The following WDR48 variants were observed in gnomAD, a reference collection of about 807,000 sequenced individuals.
The protein encoded by WDR48 is WD repeat-containing protein 48.
WDR48 carries 22 observed loss-of-function variants against 94.0 expected under a neutral mutation model. The ratio of observed to expected loss-of-function variants is 0.23; its 90% CI spans 0.17 to 0.33. WDR48 has a LOEUF of 0.33. WDR48 is among the 10% of genes least tolerant of loss of function. The pLI, the probability that WDR48 is intolerant of heterozygous loss-of-function variation, is 1.00. For synonymous variants in WDR48, 278 were observed against 280.5 expected, an observed-to-expected ratio of 0.99 and a Z score of 0.09; for missense variants, 541 against 813.8, an observed-to-expected ratio of 0.66 and a Z score of 4.08.
intron 1 of WDR48, among the ~76,000 whole-genome samples, chr3:39,061,417 A>G (rs2033257560): frequency 6.6e-6 from 1 of 152,164 alleles, no homozygotes; most frequent in Non-Finnish European, 1.5e-5. Flanking sequence ...TGTCCCTGCA[A>G]AGGACATGAA....
At chr3:39,054,904 A>G (rs1299397914) in intron 1 of WDR48, among the ~76,000 whole-genome samples, 1 of 152,240 alleles carries the variant, frequency 6.6e-6, no homozygotes, top group Non-Finnish European at 1.5e-5. Context: ...CAGGAAGGGT[A>G]ATAGCAGTGA....
intron 16 of WDR48, chr3:39,090,467 C>T (rs146043889): frequency 6.6e-6 from 1 of 152,118 alleles, no homozygotes; most frequent in Non-Finnish European, 1.5e-5. Flanking sequence ...CTCTTAGTTT[C>T]ATGTCTTGTT....
intron 3 of WDR48, 113 bp downstream of exon 3, chr3:39,066,002 T>A: frequency 1.5e-6 from 1 of 683,478 alleles, no homozygotes; most frequent in African/African-American, 1.9e-5. Context: ...AGATTGCAGT[T>A]CAACACAATT....
intron 1 of WDR48, among the ~76,000 whole-genome samples, chr3:39,053,802 A>G (rs554137202): frequency 1.3e-5 from 2 of 152,338 alleles, no homozygotes; most frequent in Non-Finnish European, 2.9e-5. Flanking sequence ...ATGTAAATTA[A>G]CTGCAGCAGG....
At chr3:39,087,557 C>T (rs761820677) in intron 14 of WDR48, among the ~76,000 whole-genome samples, 1 of 151,994 alleles carries the variant, frequency 6.6e-6, no homozygotes, top group African/African-American at 2.4e-5. Flanking sequence ...AGGTTGAGGC[C>T]GCAATGATCT....
rs3033301 is a variant in WDR48 at position 39,092,876 on chromosome 3, TACACACACACAC to T, written c.1746-978_1746-967del. On this transcript the variant is annotated intron_variant, in intron 17 of 18. Transcript: ENST00000302313. ...ACCTGCCCTCCCACCCATCTCTGTCTACACACACACACACACACACACACACACACAATTATT... is the reference window on the plus strand; with the variant it reads ...ACCTGCCCTCCCACCCATCTCTGTCTACACACACACACACACACAATTATT... 1.1e-4 allele frequency among the ~76,000 whole-genome samples: 16 copies of T among 146,070 alleles called. No individual in the cohort carries two copies. In the East Asian group the frequency reaches 1.4e-3, roughly 13 times the overall value.
chr3:39,087,641 G>T (rs1408014608), intron 14 of WDR48, among the ~76,000 whole-genome samples: 2 of 152,138 alleles, frequency 1.3e-5, no homozygotes, highest in Non-Finnish European at 2.9e-5. Context: ...ACAGTGGAAA[G>T]GAAATCTGCA....
chr3:39,052,783 C>T (rs750195284), intron 1 of WDR48, among the ~76,000 whole-genome samples: 1 of 152,094 alleles, frequency 6.6e-6, no homozygotes, highest in Non-Finnish European at 1.5e-5. Flanking sequence ...GTGTCTTGTG[C>T]CTTATGCCTT....
rs142570639 is a variant in WDR48, at chr3:39,091,940, G to A, written c.1745+239G>A. ...TAATCCCAACACTTTGGGAGGGTGAGGTGGGAGGATTAATTGAGGCCAGGA... is the reference window on the plus strand; with the variant it reads ...TAATCCCAACACTTTGGGAGGGTGAAGTGGGAGGATTAATTGAGGCCAGGA... On this transcript the variant is annotated intron_variant, in intron 17 of 18. Coordinates refer to ENST00000302313, the MANE Select transcript of WDR48 (RefSeq NM_020839.4). 3.9e-5 allele frequency among the ~76,000 whole-genome samples: 6 copies of A among 152,336 alleles called. No homozygotes were observed. The East Asian group carries it at 1.2e-3, about 29-fold the overall frequency.
chr3:39,075,620 A>G (rs1049032654), intron 8 of WDR48, among the ~76,000 whole-genome samples: 1 of 152,132 alleles, frequency 6.6e-6, no homozygotes, highest in African/African-American at 2.4e-5. Context: ...GTACTGAAAA[A>G]TGGCCAGTCG....
chr3:39,091,484 G>A, intron 16 of WDR48, 141 bp from the exon 17 acceptor site: 1 of 613,368 alleles, frequency 1.6e-6, no homozygotes. Context: ...TAGGTAATTT[G>A]ATAGCTTACT....
intron 7 of WDR48, among the ~76,000 whole-genome samples, chr3:39,071,686 T>G (rs2033942946): frequency 6.6e-6 from 1 of 152,210 alleles, no homozygotes; most frequent in Non-Finnish European, 1.5e-5. Context: ...AGTCTCAGAG[T>G]GCAAACTTGA....
In WDR48 at chr3:39,095,323, G is replaced by A. The variant is rs553646589; in HGVS notation, c.*580G>A. 7 of 153,818 alleles carry A rather than the reference G, an allele frequency of 4.6e-5. No homozygotes were observed. The highest frequency in any genetic ancestry group is 1.4e-4 in the African/African-American group (6 of 41,472). The allele number at this position is 153,818 out of a possible 1,614,324, so 9.5% of individuals were successfully genotyped here. A position where few individuals can be genotyped will look rare whatever the true frequency, so the allele number is the denominator to read the frequency against. On this transcript the variant is annotated 3_prime_UTR_variant, in exon 19 of 19. Transcript: ENST00000302313. ...ATAAAAGATTAATGTTGGGCTTGTT[G>A]TTAATATTGCATCTCAGATGTGTTC... is the stretch of plus-strand genomic sequence containing the variant.
At chr3:39,082,891 T>G (rs1199466614) in intron 11 of WDR48, among the ~76,000 whole-genome samples, 1 of 152,128 alleles carries the variant, frequency 6.6e-6, no homozygotes, top group Non-Finnish European at 1.5e-5. Flanking sequence ...ATGTCAGAGT[T>G]TCCAAGGGAC....
chr3:39,055,674 A>C (rs1369450229), intron 1 of WDR48, among the ~76,000 whole-genome samples: 1 of 152,218 alleles, frequency 6.6e-6, no homozygotes. Context: ...ATTCAGATAC[A>C]TGATGTAGCA....
intron 5 of WDR48, among the ~76,000 whole-genome samples, chr3:39,067,453 T>G (rs538386094): frequency 3.2e-4 from 48 of 152,280 alleles, no homozygotes; most frequent in African/African-American, 1.1e-3. Flanking sequence ...AATCCAGAGA[T>G]GTTCACAGCA....
intron 14 of WDR48, among the ~76,000 whole-genome samples, chr3:39,086,740 TAAGC>T (rs2034827992): frequency 6.6e-6 from 1 of 152,190 alleles, no homozygotes; most frequent in Admixed American, 6.5e-5. Flanking sequence ...GCCACCCAAA[TAAGC>T]AATAAGGATT....
At chr3:39,078,826 C>A (rs111888527) in intron 10 of WDR48, among the ~76,000 whole-genome samples, 21,347 of 151,264 alleles carry the variant, frequency 0.14, 1,740 homozygotes, top group African/African-American at 0.22. Flanking sequence ...GTCAGGAGAT[C>A]GAGACCATCC....
chr3:39,052,188 G>C, intron 1 of WDR48, 115 bp downstream of exon 1: 1 of 1,320,148 alleles, frequency 7.6e-7, no homozygotes, highest in Non-Finnish European at 1.0e-6. Flanking sequence ...GGCGAACGGG[G>C]CGGGGCGCGG....
Sources: gnomAD v4.1 joint callset for allele counts (sites outside exome capture counted in the v4.1 genomes callset) on GRCh38, gnomAD v4.1.1 for gene constraint, MANE v1.5 for transcripts, NCBI Gene and HGNC (gene_info 2026-07-23, HGNC 2026-07-21) for gene names.